NTM: variants seen among roughly 807,000 people sequenced by gnomAD.
NTM encodes IgLON family member 2.
NTM carries 13 observed loss-of-function variants against 42.1 expected under a neutral mutation model. The observed-to-expected ratio is 0.31, with a 90% CI of 0.20 to 0.49. The LOEUF is 0.49. Ranked by LOEUF, NTM falls within the 20% of genes least tolerant of loss-of-function variation. The pLI, the probability that NTM is intolerant of heterozygous loss-of-function variation, is 0.99. For synonymous variants in NTM, 187 were observed against 179.2 expected, an observed-to-expected ratio of 1.04 and a Z score of -0.35; for missense variants, 373 against 452.8, an observed-to-expected ratio of 0.82 and a Z score of 1.60.
chr11:131,678,376 C>A (rs991737402), intron 1 of NTM, among the ~76,000 whole-genome samples: 1 of 152,240 alleles, frequency 6.6e-6, no homozygotes, highest in African/African-American at 2.4e-5. Flanking sequence ...CAGCGCTGAC[C>A]ACTCAGCTTT....
At position 131,591,594 on chromosome 11, in the gene NTM, G is replaced by C. The variant is rs375025556; in HGVS notation, c.82+220706G>C. Among the ~76,000 whole-genome samples, 10 of 152,216 alleles carry C rather than the reference G, an allele frequency of 6.6e-5. No homozygotes were observed. The East Asian group carries it at 1.2e-3, about 18-fold the overall frequency. On this transcript the variant is annotated intron_variant, in intron 1 of 8. Coordinates refer to ENST00000683400, the MANE Select transcript of NTM (RefSeq NM_001352005.2). ...TAGTTCCCAGCTCAAATGAGCCAAG[G>C]CTTGAGATTTGCTCCCCGAAAGGGT...
At position 131,781,154 on chromosome 11, in the gene NTM, T is replaced by C. The variant is rs577180733; in HGVS notation, c.83-130410T>C. Among the ~76,000 whole-genome samples, 6 of 152,100 alleles carry C rather than the reference T, an allele frequency of 3.9e-5. No homozygotes were observed. The South Asian group carries it at 1.2e-3, about 32-fold the overall frequency. On this transcript the variant is annotated intron_variant, in intron 1 of 8. Coordinates refer to ENST00000683400, the MANE Select transcript of NTM (RefSeq NM_001352005.2). ...GAGAGCTCTATTATATCAAGAAATATTTCAGGAAACCATAAATGCAAGAAA... is the reference window on the plus strand; with the variant it reads ...GAGAGCTCTATTATATCAAGAAATACTTCAGGAAACCATAAATGCAAGAAA...
intron 1 of NTM, among the ~76,000 whole-genome samples, chr11:131,391,575 C>CT (rs71067306): frequency 9.2e-5 from 10 of 108,572 alleles, no homozygotes; most frequent in South Asian, 3.2e-4. Flanking sequence ...GTTGACAAGT[C>CT]TTTTTTTTTT....
chr11:131,390,325 C>T (rs924974388), intron 1 of NTM, among the ~76,000 whole-genome samples: 11 of 152,102 alleles, frequency 7.2e-5, no homozygotes, highest in African/African-American at 1.9e-4. Flanking sequence ...CCCCACGACC[C>T]GAACACCTCC....
chr11:131,438,546 G>A (rs773421045), intron 1 of NTM, among the ~76,000 whole-genome samples: 3 of 152,002 alleles, frequency 2.0e-5, no homozygotes, highest in South Asian at 2.1e-4. Flanking sequence ...TTCAATCACC[G>A]ATACCCTTTC....
intron 4 of NTM, among the ~76,000 whole-genome samples, chr11:132,221,616 G>A (rs1490301834): frequency 6.6e-6 from 1 of 152,162 alleles, no homozygotes; most frequent in African/African-American, 2.4e-5. Context: ...ACAGCTGTAA[G>A]GGTGGGGTCC....
intron 3 of NTM, among the ~76,000 whole-genome samples, chr11:132,206,355 T>C (rs187625782): frequency 6.6e-6 from 1 of 152,344 alleles, no homozygotes; most frequent in Non-Finnish European, 1.5e-5. Context: ...CCATTTTTCA[T>C]TGATTCTGTC....
chr11:132,256,473 C>T (rs144193714), intron 4 of NTM, among the ~76,000 whole-genome samples: 28 of 152,304 alleles, frequency 1.8e-4, no homozygotes, highest in African/African-American at 6.5e-4. Context: ...CTCACAGAGC[C>T]AATCAGCCAC....
chr11:131,732,651 T>G (rs563879143), intron 1 of NTM, among the ~76,000 whole-genome samples: 2 of 152,328 alleles, frequency 1.3e-5, no homozygotes, highest in Admixed American at 1.3e-4. Context: ...TACTGTTGGA[T>G]GCATGTTACC....
At chr11:132,091,302 G>A (rs1365355309) in intron 2 of NTM, among the ~76,000 whole-genome samples, 1 of 151,888 alleles carries the variant, frequency 6.6e-6, no homozygotes, top group Non-Finnish European at 1.5e-5. Flanking sequence ...CAGCTACTTG[G>A]GAGGCTTAGG....
At chr11:131,809,832 G>A (rs1343244288) in intron 1 of NTM, among the ~76,000 whole-genome samples, 1 of 152,184 alleles carries the variant, frequency 6.6e-6, no homozygotes, top group Non-Finnish European at 1.5e-5. Context: ...AAAGGTAGGT[G>A]AGCTATTGGG....
chr11:131,943,933 A>C (rs2060077885), intron 2 of NTM, among the ~76,000 whole-genome samples: 1 of 147,648 alleles, frequency 6.8e-6, no homozygotes, highest in Admixed American at 6.8e-5. Context: ...AAAAAAAAAA[A>C]TACCTGTTAG....
At chr11:131,550,887 T>G (rs2054575303) in intron 1 of NTM, among the ~76,000 whole-genome samples, 1 of 152,204 alleles carries the variant, frequency 6.6e-6, no homozygotes, top group African/African-American at 2.4e-5. Context: ...GTTCTGCCTC[T>G]TTTCTACACG....
chr11:132,031,683 C>T (rs945348791), intron 2 of NTM, among the ~76,000 whole-genome samples: 2 of 152,084 alleles, frequency 1.3e-5, no homozygotes, highest in Non-Finnish European at 2.9e-5. Flanking sequence ...TTAGGCTTTG[C>T]GTACAGATAC....
At chr11:131,539,165 C>G (rs1009574073) in intron 1 of NTM, 1 of 152,164 alleles carries the variant, frequency 6.6e-6, no homozygotes, top group Non-Finnish European at 1.5e-5. Context: ...TGGTCTTGCA[C>G]TCCTGGGCTC....
In NTM at chr11:132,146,543, C is replaced by A; in HGVS notation, c.400+29C>A. 1 of 1,607,680 alleles carries A rather than the reference C, an allele frequency of 6.2e-7. No individual in the cohort carries two copies. ...GGTGGGCGGGGCTTGGCGGGGAGAT[C>A]TGGCTGGCCAGCCTGGAAAGCCTTC... On this transcript the variant is annotated intron_variant, in intron 3 of 8. Transcript: ENST00000683400. The surrounding 1 kb of genome is among the most constrained non-coding windows in gnomAD (Gnocchi z 4.5).
intron 3 of NTM, among the ~76,000 whole-genome samples, chr11:132,160,677 G>A (rs1331390997): frequency 2.6e-5 from 4 of 152,216 alleles, no homozygotes; most frequent in Non-Finnish European, 5.9e-5. Context: ...CAGGGGCTAT[G>A]CCAGCAGCCA....
chr11:132,303,408 C>CATCTTCACCCT (rs2094939967), intron 4 of NTM, among the ~76,000 whole-genome samples: 1 of 152,216 alleles, frequency 6.6e-6, no homozygotes, highest in Non-Finnish European at 1.5e-5. Context: ...ATCACATGGT[C>CATCTTCACCCT]ATCTTCACCC....
At chr11:131,547,741 C>T (rs1022401021) in intron 1 of NTM, among the ~76,000 whole-genome samples, 4 of 152,198 alleles carry the variant, frequency 2.6e-5, no homozygotes, top group African/African-American at 9.7e-5. Context: ...TACACCCTCT[C>T]AAAGAGTTCG....
Sources: gnomAD v4.1 joint callset for allele counts (sites outside exome capture counted in the v4.1 genomes callset) on GRCh38, gnomAD v4.1.1 for gene constraint, Gnocchi (gnomAD v3.1) non-coding constraint, MANE v1.5 for transcripts, NCBI Gene and HGNC (gene_info 2026-07-23, HGNC 2026-07-21) for gene names.